The following SH3RF3 variants were observed in gnomAD, a reference collection of about 807,000 sequenced individuals.
SH3RF3 encodes the protein SH3 domain containing ring finger 3, also known as E3 ubiquitin-protein ligase SH3RF3.
A neutral mutation model predicts 66.3 loss-of-function variants in SH3RF3; 29 were observed. The observed-to-expected ratio is 0.44, with a 90% confidence interval of 0.33 to 0.60. The LOEUF (loss-of-function observed/expected upper bound fraction) is 0.60. Among genes scored for constraint, SH3RF3 ranks in the 20% least tolerant of loss-of-function variants. SH3RF3 has a pLI of 0.04. For missense variants in SH3RF3, 1,194 were observed against 1,190.9 expected, an observed-to-expected ratio of 1.00 and a Z score of -0.04; for synonymous variants, 583 against 532.0, an observed-to-expected ratio of 1.10 and a Z score of -1.32.
chr2:109,430,684 A>G, intron 5 of SH3RF3, among the ~76,000 whole-genome samples: 1 of 152,052 alleles, frequency 6.6e-6, no homozygotes, highest in East Asian at 1.9e-4. Flanking sequence ...CTCTATGGTG[A>G]TGGGAACAGA....
intron 8 of SH3RF3, among the ~76,000 whole-genome samples, chr2:109,465,183 A>G (rs1252164373): frequency 6.6e-6 from 1 of 152,224 alleles, no homozygotes; most frequent in Non-Finnish European, 1.5e-5. Context: ...ATAATATTCC[A>G]TTGTCCAGAT....
At chr2:109,237,807 T>C (rs555939590) in intron 1 of SH3RF3, among the ~76,000 whole-genome samples, 1 of 152,292 alleles carries the variant, frequency 6.6e-6, no homozygotes, top group East Asian at 1.9e-4. Context: ...AAACAAATAC[T>C]TTCTACACAA....
chr2:109,334,098 C>G (rs1194472018), intron 1 of SH3RF3, among the ~76,000 whole-genome samples: 3 of 152,156 alleles, frequency 2.0e-5, no homozygotes, highest in African/African-American at 7.2e-5. Flanking sequence ...GAGGCTCACG[C>G]CTATAATCCC....
intron 1 of SH3RF3, among the ~76,000 whole-genome samples, chr2:109,199,841 A>G (rs1574500461): frequency 6.6e-6 from 1 of 151,770 alleles, no homozygotes; most frequent in African/African-American, 2.4e-5. Flanking sequence ...ATGGAATGGA[A>G]TGGAATGGAA....
intron 1 of SH3RF3, among the ~76,000 whole-genome samples, chr2:109,182,719 G>A (rs1481089495): frequency 3.9e-5 from 6 of 151,938 alleles, no homozygotes; most frequent in Admixed American, 2.0e-4. Flanking sequence ...CTACTGCAGT[G>A]GTCTACATAT....
At chr2:109,259,820 T>C (rs1214446011) in intron 1 of SH3RF3, among the ~76,000 whole-genome samples, 2 of 151,426 alleles carry the variant, frequency 1.3e-5, no homozygotes, top group African/African-American at 4.8e-5. Context: ...GGTCTCTGTT[T>C]GTCTGGCTCT....
At chr2:109,337,231 A>G (rs760765661) in intron 1 of SH3RF3, among the ~76,000 whole-genome samples, 35 of 152,100 alleles carry the variant, frequency 2.3e-4, no homozygotes, top group Non-Finnish European at 5.9e-5. Context: ...CTTTGGACCT[A>G]TCTGTATTGA....
chr2:109,326,268 G>GT (rs1276783786), intron 1 of SH3RF3, among the ~76,000 whole-genome samples: 2 of 152,228 alleles, frequency 1.3e-5, no homozygotes, highest in East Asian at 1.9e-4. Flanking sequence ...TCGCTCATTT[G>GT]TTTTTTTATG....
At chr2:109,162,196 A>G (rs1677505106) in intron 1 of SH3RF3, among the ~76,000 whole-genome samples, 1 of 152,152 alleles carries the variant, frequency 6.6e-6, no homozygotes, top group Non-Finnish European at 1.5e-5. Flanking sequence ...CATGGACCTT[A>G]CTTTATGTGT....
intron 1 of SH3RF3, among the ~76,000 whole-genome samples, chr2:109,332,196 C>T (rs1375475753): frequency 6.6e-6 from 1 of 152,176 alleles, no homozygotes; most frequent in Non-Finnish European, 1.5e-5. Flanking sequence ...CCTCTGCAAG[C>T]TGCCTCATGG....
chr2:109,410,534 G>A (rs1335932198), intron 4 of SH3RF3, among the ~76,000 whole-genome samples: 3 of 152,198 alleles, frequency 2.0e-5, no homozygotes, highest in African/African-American at 4.8e-5. Context: ...CCTGCCAGCC[G>A]ACCTTGCACT....
intron 1 of SH3RF3, among the ~76,000 whole-genome samples, chr2:109,215,649 T>C (rs1308946781): frequency 6.6e-6 from 1 of 151,708 alleles, no homozygotes; most frequent in Admixed American, 6.6e-5. Context: ...GGTGCTGGGC[T>C]CTCACCTACG....
At chr2:109,244,665 AGG>A (rs1286169610) in intron 1 of SH3RF3, among the ~76,000 whole-genome samples, 1 of 152,210 alleles carries the variant, frequency 6.6e-6, no homozygotes, top group East Asian at 1.9e-4. Context: ...AGGCAAACAC[AGG>A]GAGGAAATAT....
intron 8 of SH3RF3, among the ~76,000 whole-genome samples, chr2:109,472,399 A>C (rs1391888091): frequency 6.6e-6 from 1 of 152,160 alleles, no homozygotes; most frequent in Non-Finnish European, 1.5e-5. Flanking sequence ...TAAGAAGCAC[A>C]GAAAGAGGAA....
chr2:109,458,572 C>CAG (rs70958708), intron 8 of SH3RF3, among the ~76,000 whole-genome samples: 23,663 of 123,046 alleles, frequency 0.19, 3,709 homozygotes, highest in Non-Finnish European at 0.26. Context: ...CAGCAGGAGA[C>CAG]AGAGAGAGAG....
At chr2:109,387,311 G>T (rs1369382476) in intron 3 of SH3RF3, among the ~76,000 whole-genome samples, 1 of 152,206 alleles carries the variant, frequency 6.6e-6, no homozygotes, top group South Asian at 2.1e-4. Context: ...GGGGGATCCT[G>T]TTGTGTCCCT....
At chr2:109,394,437 G>A (rs978430691) in intron 3 of SH3RF3, among the ~76,000 whole-genome samples, 1 of 152,160 alleles carries the variant, frequency 6.6e-6, no homozygotes, top group African/African-American at 2.4e-5. Flanking sequence ...GGACTAGGGG[G>A]TGGCCCCTGC....
At chr2:109,347,633 AG>A (rs779005854) in intron 1 of SH3RF3, 40 bp from the exon 2 acceptor site, 1 of 1,595,528 alleles carries the variant, frequency 6.3e-7, no homozygotes. Context: ...GGCATTGGGA[AG>A]GGGCATGCCC....
chr2:109,404,356 C>T (rs1462774760), intron 4 of SH3RF3, among the ~76,000 whole-genome samples: 1 of 152,136 alleles, frequency 6.6e-6, no homozygotes, highest in Non-Finnish European at 1.5e-5. Flanking sequence ...CGAGGCCTGG[C>T]GGGGAGTGGG....
Sources: allele counts gnomAD v4.1 joint callset (sites outside exome capture counted in the v4.1 genomes callset), GRCh38; gene constraint gnomAD v4.1.1; transcripts MANE v1.5; gene names NCBI Gene and HGNC (gene_info 2026-07-23, HGNC 2026-07-21).